JMJD1C: variants seen among roughly 807,000 people sequenced by gnomAD.
The protein encoded by JMJD1C is jumonji domain containing 1C, also known as jumonji domain-containing protein 1C.
In JMJD1C, 31 loss-of-function variants were observed where a neutral mutation model predicts 245.3. That is an observed-to-expected ratio of 0.13 (90% confidence interval 0.09 to 0.17). The LOEUF (loss-of-function observed/expected upper bound fraction) is 0.17, where lower values mean the gene tolerates loss of function less well. Among genes scored for constraint, JMJD1C ranks in the 10% least tolerant of loss-of-function variants. The pLI, the probability that JMJD1C is intolerant of heterozygous loss-of-function variation, is 1.00. For missense variants in JMJD1C, 2,691 were observed against 3,000.2 expected, an observed-to-expected ratio of 0.90 and a Z score of 2.41; for synonymous variants, 1,057 against 1,017.4, an observed-to-expected ratio of 1.04 and a Z score of -0.74.
chr10:63,237,273 G>A (rs765989062), intron 3 of JMJD1C, among the ~76,000 whole-genome samples: 3 of 152,084 alleles, frequency 2.0e-5, no homozygotes, highest in African/African-American at 4.8e-5. Flanking sequence ...CCTGACCTCC[G>A]GTGATCTGCC....
At chr10:63,169,503 ATGAAAGAGATAG>A (rs1477064526) in intron 24 of JMJD1C, among the ~76,000 whole-genome samples, 2 of 152,156 alleles carry the variant, frequency 1.3e-5, no homozygotes, top group Non-Finnish European at 2.9e-5. Context: ...GAGGAGTGAG[ATGAAAGAGATAG>A]TAAGTGGGAA....
At chr10:63,521,239 C>A (rs1955215548) in intron 1 of JMJD1C, 1 of 151,702 alleles carries the variant, frequency 6.6e-6, no homozygotes, top group African/African-American at 2.4e-5. Context: ...GGAGCCCGGC[C>A]GCCTGGCCCC....
chr10:63,350,240 T>C (rs958893272), intron 2 of JMJD1C, among the ~76,000 whole-genome samples: 6 of 152,178 alleles, frequency 3.9e-5, no homozygotes, highest in African/African-American at 9.6e-5. Context: ...GTGGCAGATG[T>C]AGGAAAAGCT....
At chr10:63,304,318 C>G (rs534625264) in intron 2 of JMJD1C, among the ~76,000 whole-genome samples, 7 of 152,076 alleles carry the variant, frequency 4.6e-5, no homozygotes, top group Non-Finnish European at 8.8e-5. Context: ...GAAGTTTGGG[C>G]ATAAGGCTGT....
Position 63,506,293 on chromosome 10 carries a change from C to T in JMJD1C, n.113+15445G>A, listed in dbSNP as rs60823548. 2.4e-3 allele frequency among the ~76,000 whole-genome samples: 361 copies of T among 152,186 alleles called. 2 individuals are homozygous for T. In the East Asian group the frequency reaches 0.04, roughly 17 times the overall value. ...TAGGAAGAAAGCTTTAGAGTTTGAC[C>T]AGTGAGAAGTTCCTGGGCAGCAGGA... On this transcript the variant is annotated intron_variant and non_coding_transcript_variant, in intron 1 of 3. Coordinates refer to the JMJD1C transcript ENST00000633035.
intron 23 of JMJD1C, chr10:63,177,010 T>A (rs992766211): frequency 6.5e-6 from 1 of 152,690 alleles, no homozygotes; most frequent in African/African-American, 2.4e-5. Context: ...AAAATACAGG[T>A]AAGTATTCAG....
chr10:63,294,437 C>T (rs912267295), intron 2 of JMJD1C, among the ~76,000 whole-genome samples: 5 of 151,942 alleles, frequency 3.3e-5, no homozygotes, highest in African/African-American at 4.8e-5. Flanking sequence ...AGGTGTGTGC[C>T]GCCACACCCA....
At chr10:63,502,552 G>A (rs535508894) in intron 1 of JMJD1C, among the ~76,000 whole-genome samples, 7 of 150,360 alleles carry the variant, frequency 4.7e-5, no homozygotes, top group Non-Finnish European at 1.0e-4. Flanking sequence ...GCAGGAGCAT[G>A]GTGTGAACCC....
intron 1 of JMJD1C, among the ~76,000 whole-genome samples, chr10:63,457,690 T>G (rs902246286): frequency 2.6e-5 from 4 of 152,246 alleles, no homozygotes; most frequent in African/African-American, 9.6e-5. Context: ...TATATAACAT[T>G]ACAGTTAAAG....
chr10:63,437,711 C>CTT (rs1951136337), intron 1 of JMJD1C, among the ~76,000 whole-genome samples: 1 of 152,204 alleles, frequency 6.6e-6, no homozygotes, highest in African/African-American at 2.4e-5. Flanking sequence ...AGTAAACTCA[C>CTT]TTTATCAGGC....
At chr10:63,486,306 C>T (rs964727661) in intron 1 of JMJD1C, among the ~76,000 whole-genome samples, 19 of 151,878 alleles carry the variant, frequency 1.3e-4, no homozygotes, top group Non-Finnish European at 5.9e-5. Flanking sequence ...ATGGATAGAG[C>T]GAGTGCTGAG....
intron 2 of JMJD1C, among the ~76,000 whole-genome samples, chr10:63,366,385 T>TGG (rs1350294132): frequency 4.6e-5 from 7 of 152,330 alleles, no homozygotes; most frequent in African/African-American, 1.4e-4. Context: ...TTCTGCACCC[T>TGG]ATGTCTCTCT....
At chr10:63,246,913 C>G (rs940286764) in intron 3 of JMJD1C, among the ~76,000 whole-genome samples, 3 of 151,174 alleles carry the variant, frequency 2.0e-5, no homozygotes, top group African/African-American at 7.3e-5. Context: ...AAACCAAACA[C>G]AAAATCTACG....
chr10:63,381,375 T>A (rs1947200358), intron 1 of JMJD1C, among the ~76,000 whole-genome samples: 1 of 152,124 alleles, frequency 6.6e-6, no homozygotes, highest in South Asian at 2.1e-4. Flanking sequence ...TAGCTGGACA[T>A]GGTGGCACAT....
At chr10:63,478,728 C>G (rs1279721432) in intron 1 of JMJD1C, among the ~76,000 whole-genome samples, 2 of 152,118 alleles carry the variant, frequency 1.3e-5, no homozygotes, top group Non-Finnish European at 1.5e-5. Context: ...ATACTGGCAA[C>G]CGGGAAGCTC....
At position 63,497,558 on chromosome 10, in the gene JMJD1C, T is replaced by TTG. The variant is rs571708942; in HGVS notation, n.113+24178_113+24179dup. ...TTCAGGGCTGATGAAGAATTTCAAATTGTGGTAATGGTTGCACAGCTCTGT... is the reference window on the plus strand; with the variant it reads ...TTCAGGGCTGATGAAGAATTTCAAATTGTGTGGTAATGGTTGCACAGCTCTGT... On this transcript the variant is annotated intron_variant and non_coding_transcript_variant, in intron 1 of 3. Coordinates refer to the JMJD1C transcript ENST00000633035. Among the ~76,000 whole-genome samples, 758 of 152,336 alleles carry TTG rather than the reference T, an allele frequency of 5.0e-3. 6 individuals are homozygous for TTG. Among genetic ancestry groups the TTG allele is most frequent in the African/African-American group, 0.018 (728 of 41,578 alleles).
chr10:63,264,774 A>G lies in JMJD1C; in HGVS notation c.334-10T>C, dbSNP rs1426419995. ...CCAGAGGTTTGAAAGTCTGCCAAGA[A>G]AAAAAAAATTTCTAATGATAATTTT... On this transcript the variant is annotated splice_polypyrimidine_tract_variant and intron_variant, in intron 2 of 25. Transcript: ENST00000399262. The G allele has an allele frequency of 2.3e-6, 3 of 1,321,540 alleles. No individual in the cohort carries two copies. In the South Asian group the frequency reaches 3.8e-5, roughly 17 times the overall value. 81.9% of individuals were successfully genotyped at this position (1,321,540 alleles called of 1,614,324 possible).
intron 1 of JMJD1C, among the ~76,000 whole-genome samples, chr10:63,393,130 T>C (rs565260757): frequency 1.3e-5 from 2 of 152,040 alleles, no homozygotes; most frequent in South Asian, 4.2e-4. Context: ...TAGCCGGATG[T>C]GGTGGTGGAC....
chr10:63,230,205 CTA>C (rs2133380594), intron 3 of JMJD1C, among the ~76,000 whole-genome samples: 1 of 152,244 alleles, frequency 6.6e-6, no homozygotes, highest in Admixed American at 6.5e-5. Context: ...AACCCTGTCT[CTA>C]TTACAAATAC....
Sources: gnomAD v4.1 joint callset for allele counts (sites outside exome capture counted in the v4.1 genomes callset) on GRCh38, gnomAD v4.1.1 for gene constraint, MANE v1.5 for transcripts, NCBI Gene and HGNC (gene_info 2026-07-23, HGNC 2026-07-21) for gene names.